The following TOPAZ1 variants were observed in gnomAD, a reference collection of about 807,000 sequenced individuals.
TOPAZ1 encodes testis and ovary specific TOPAZ 1.
TOPAZ1 carries 66 observed loss-of-function variants against 172.2 expected under a neutral mutation model. That is an observed-to-expected ratio of 0.38 (90% CI 0.31 to 0.47). The LOEUF (loss-of-function observed/expected upper bound fraction) is 0.47. TOPAZ1 is among the 20% of genes least tolerant of loss of function. TOPAZ1 has a pLI of 0.99. For missense variants in TOPAZ1, 1,822 were observed against 1,972.4 expected, an observed-to-expected ratio of 0.92 and a Z score of 1.44; for synonymous variants, 681 against 683.9, an observed-to-expected ratio of 1.00 and a Z score of 0.07.
chr3:44,264,181 T>C (rs1394869451), intron 5 of TOPAZ1, among the ~76,000 whole-genome samples: 2 of 152,228 alleles, frequency 1.3e-5, no homozygotes, highest in East Asian at 1.9e-4. Flanking sequence ...TTCCTTCCTC[T>C]ACTCCAACCA....
Position 44,251,846 on chromosome 3 carries a change from G to T in TOPAZ1, c.2766-3122G>T, listed in dbSNP as rs192096350. On this transcript the variant is annotated intron_variant, in intron 2 of 19. Coordinates refer to ENST00000309765, the MANE Select transcript of TOPAZ1 (RefSeq NM_001145030.2). ...ATCCAAATCTCTTTTATCTCCTTTC[G>T]TTGTTCTTCCCTTCATTTTTCCCTT... is the stretch of plus-strand genomic sequence containing the variant. Among the ~76,000 whole-genome samples the T allele has an allele frequency of 4.1e-3, 623 of 151,898 alleles. 9 individuals carry two copies. Among genetic ancestry groups the T allele is most frequent in the African/African-American group, 0.014 (595 of 41,410 alleles).
At chr3:44,332,274 C>T (rs1324436643), downstream of TOPAZ1, among the ~76,000 whole-genome samples, 5 of 152,054 alleles carry the variant, frequency 3.3e-5, no homozygotes, top group African/African-American at 1.2e-4. Flanking sequence ...AAATCCAAAA[C>T]TGAATACTGT....
At position 44,244,164 on chromosome 3, in the gene TOPAZ1, C is replaced by T. The variant is rs1006774245; in HGVS notation, c.1658C>T (p.Thr553Ile). The T allele has an allele frequency of 1.9e-6, 3 of 1,550,948 alleles. No homozygotes were observed. The highest frequency in any genetic ancestry group is 1.4e-5 in the African/African-American group (1 of 73,022). Reference protein sequence around the residue: ...DSKLLLQSSLTETNTESSSKE... With the variant: ...DSKLLLQSSLIETNTESSSKE... ...AAATTATTATTACAAAGTTCCTTAA[C>T]AGAAACAAACACTGAATCTTCAAGT... Residue 553 changes from threonine to isoleucine, a missense_variant, in exon 2 of 20, where the codon ACA (threonine) becomes ATA (isoleucine). By Grantham distance (89) the Thr-to-Ile change is moderately conservative. Coordinates refer to ENST00000309765, the MANE Select transcript of TOPAZ1 (RefSeq NM_001145030.2).
At chr3:44,330,581 G>C (rs768020887) in intron 19 of TOPAZ1, among the ~76,000 whole-genome samples, 1 of 152,170 alleles carries the variant, frequency 6.6e-6, no homozygotes, top group Non-Finnish European at 1.5e-5. Context: ...TACCTGACCA[G>C]TCTTTCCTCT....
At chr3:44,329,015 C>G (rs956425079) in intron 19 of TOPAZ1, among the ~76,000 whole-genome samples, 1 of 152,126 alleles carries the variant, frequency 6.6e-6, no homozygotes, top group African/African-American at 2.4e-5. Flanking sequence ...TTCTTGTCAG[C>G]TTTATCCAGG....
intron 2 of TOPAZ1, among the ~76,000 whole-genome samples, chr3:44,252,960 T>G (rs1054705944): frequency 1.3e-5 from 2 of 152,192 alleles, no homozygotes; most frequent in Non-Finnish European, 2.9e-5. Flanking sequence ...GTTAAACGCC[T>G]CCTGGTGAAA....
chr3:44,262,944 G>C (rs1387557850), intron 5 of TOPAZ1, among the ~76,000 whole-genome samples: 1 of 152,150 alleles, frequency 6.6e-6, no homozygotes, highest in Non-Finnish European at 1.5e-5. Context: ...TTGCATGTGA[G>C]GCAAGGCTCA....
chr3:44,332,235 C>T, downstream of TOPAZ1: 1 of 491,922 alleles, frequency 2.0e-6, no homozygotes, highest in South Asian at 2.8e-5. Flanking sequence ...TTAAAAGAAA[C>T]TAAGCATGGT....
chr3:44,259,065 A>G (rs1005565304), intron 4 of TOPAZ1, among the ~76,000 whole-genome samples: 1 of 152,148 alleles, frequency 6.6e-6, no homozygotes, highest in Non-Finnish European at 1.5e-5. Context: ...GCTTTCTCCC[A>G]TATTCCTAGC....
rs930927753 is a variant in TOPAZ1, at chr3:44,256,324, G to A, written c.2955+46G>A. 2.0e-6 allele frequency: 3 copies of A among 1,489,120 alleles called. No homozygotes were observed. The African/African-American group carries it at 4.3e-5, about 22-fold the overall frequency. 92.2% of individuals were successfully genotyped at this position (1,489,120 alleles called of 1,614,324 possible). On this transcript the variant is annotated intron_variant, in intron 4 of 19. Transcript: ENST00000309765. Reference sequence around the variant, plus strand: ...TTTTTTTATTTCTTGGTCTTAAATAGTGGTAATGCATAAATCCATCTTAAC... The same window carrying A: ...TTTTTTTATTTCTTGGTCTTAAATAATGGTAATGCATAAATCCATCTTAAC...
Position 44,244,104 on chromosome 3 carries a change from A to G in TOPAZ1, c.1598A>G (p.Lys533Arg). 6.4e-7 allele frequency: 1 copy of G among 1,551,702 alleles called. No homozygotes were observed. The highest frequency in any genetic ancestry group is 1.2e-5 in the South Asian group (1 of 84,060). Residue 533 changes from lysine to arginine, a missense_variant, in exon 2 of 20, where the codon AAA becomes AGA. Transcript: ENST00000309765. The stretch of plus-strand genomic sequence containing the variant: ...AGTTGTAGGCAAGTTGATGTCCCTA[A>G]ACACCAAACAAACCAGACCCATTTA... Reference protein sequence around the residue: ...QESCRQVDVPKHQTNQTHLTD... With the variant: ...QESCRQVDVPRHQTNQTHLTD...
intron 17 of TOPAZ1, among the ~76,000 whole-genome samples, chr3:44,321,582 A>G (rs976497740): frequency 2.6e-5 from 4 of 152,222 alleles, no homozygotes; most frequent in Non-Finnish European, 5.9e-5. Context: ...AGGAAGTGAA[A>G]CAGATGCCAA....
Position 44,253,619 on chromosome 3 carries a change from A to G in TOPAZ1, c.2766-1349A>G, listed in dbSNP as rs543837893. 3.9e-5 allele frequency among the ~76,000 whole-genome samples: 6 copies of G among 152,308 alleles called. No individual in the cohort carries two copies. The East Asian group carries it at 9.6e-4, about 24-fold the overall frequency. On this transcript the variant is annotated intron_variant, in intron 2 of 19. Coordinates refer to ENST00000309765, the MANE Select transcript of TOPAZ1 (RefSeq NM_001145030.2). ...AGGCCTTTGAGATACTGAGATGGAAATATTCTAGTAGATAGCTGGATATGA... is the reference window on the plus strand; with the variant it reads ...AGGCCTTTGAGATACTGAGATGGAAGTATTCTAGTAGATAGCTGGATATGA...
chr3:44,242,798 G>T, intron 1 of TOPAZ1, 55 bp from the exon 2 acceptor site: 1 of 1,319,454 alleles, frequency 7.6e-7, no homozygotes, highest in East Asian at 2.6e-5. Context: ...AATGATAATT[G>T]CATTTTCCTC....
rs768912573 is a variant in TOPAZ1, at chr3:44,269,280, C to T, written c.3225C>T (p.Phe1075=). ...KLQNPETCEI[F]KREKNVGVFQ... ...AGAATCCTGAAACTTGTGAAATATT[C>T]AAGAGGGAAAAAAATGTGGGGGTAA... The change falls in exon 7 of 20, where the codon TTC becomes TTT. Residue 1075 remains phenylalanine (F), a synonymous_variant. Transcript: ENST00000309765. The T allele has an allele frequency of 6.2e-5, 96 of 1,546,576 alleles. No individual in the cohort carries two copies. Among genetic ancestry groups the T allele is most frequent in the South Asian group, 4.1e-4 (34 of 83,838 alleles).
intron 2 of TOPAZ1, among the ~76,000 whole-genome samples, chr3:44,247,730 A>C (rs973559771): frequency 1.3e-5 from 2 of 152,126 alleles, no homozygotes; most frequent in Non-Finnish European, 2.9e-5. Context: ...GCTCACTGCA[A>C]CCTATGCCTC....
intron 2 of TOPAZ1, among the ~76,000 whole-genome samples, chr3:44,250,243 CA>C (rs35079686): frequency 0.17 from 18,679 of 110,794 alleles, 1,191 homozygotes; most frequent in Non-Finnish European, 0.2. Context: ...CATGAAATGA[CA>C]AAAAAAAAAA....
chr3:44,278,527 G>C (rs1008673733), intron 8 of TOPAZ1, among the ~76,000 whole-genome samples: 4 of 151,962 alleles, frequency 2.6e-5, no homozygotes, highest in African/African-American at 9.7e-5. Context: ...ACTTGTTTTT[G>C]GTCTGTTCAA....
intron 4 of TOPAZ1, among the ~76,000 whole-genome samples, chr3:44,260,549 A>ATC (rs1169398887): frequency 6.6e-6 from 1 of 151,986 alleles, no homozygotes; most frequent in Non-Finnish European, 1.5e-5. Flanking sequence ...TGTAAAATTT[A>ATC]TCTTAGGGGA....
Sources: gnomAD v4.1 joint callset for allele counts (sites outside exome capture counted in the v4.1 genomes callset) on GRCh38, gnomAD v4.1.1 for gene constraint, MANE v1.5 for transcripts, NCBI Gene and HGNC (gene_info 2026-07-23, HGNC 2026-07-21) for gene names.